HDAC9: variants seen among roughly 807,000 people sequenced by gnomAD.
The protein encoded by HDAC9 is histone deacetylase 9.
Under a neutral mutation model 139.4 loss-of-function variants are expected in HDAC9, and 41 were observed. The observed-to-expected ratio is 0.29, with a 90% confidence interval of 0.23 to 0.38. HDAC9 has a LOEUF of 0.38. HDAC9 is among the 10% of genes least tolerant of loss of function. The probability of loss-of-function intolerance (pLI) is 1.00; values close to 1 mark genes in which losing one functional copy is unlikely to be tolerated. For synonymous variants in HDAC9, 517 were observed against 476.2 expected (o/e 1.09, Z -1.12); for missense variants, 1,147 against 1,297.0 (o/e 0.88, Z 1.78).
chr7:18,548,961 C>T (rs1348417500), intron 2 of HDAC9, among the ~76,000 whole-genome samples: 1 of 152,148 alleles, frequency 6.6e-6, no homozygotes, highest in Non-Finnish European at 1.5e-5. Context: ...AAAAATAGGC[C>T]AGGTGTGGTG....
chr7:18,171,448 G>A (rs1055200296), intron 2 of HDAC9, among the ~76,000 whole-genome samples: 1 of 152,068 alleles, frequency 6.6e-6, no homozygotes, highest in Non-Finnish European at 1.5e-5. Context: ...TCTTTCTCTT[G>A]CCTGATTGCG....
chr7:18,742,702 G>C (rs1035405013), intron 13 of HDAC9, among the ~76,000 whole-genome samples: 1 of 151,778 alleles, frequency 6.6e-6, no homozygotes, highest in African/African-American at 2.4e-5. Flanking sequence ...TGTACATCTA[G>C]TAGTCCTTTC....
At chr7:18,162,626 A>G (rs1047421106) in intron 2 of HDAC9, 2 of 445,298 alleles carry the variant, frequency 4.5e-6, no homozygotes, top group African/African-American at 4.1e-5. Context: ...AACTTTATGA[A>G]GTTATGAATA....
intron 17 of HDAC9, among the ~76,000 whole-genome samples, chr7:18,808,997 G>A (rs1241955067): frequency 6.6e-6 from 1 of 152,006 alleles, no homozygotes; most frequent in Non-Finnish European, 1.5e-5. Flanking sequence ...TGAACATATA[G>A]ACCAATGGAA....
intron 1 of HDAC9, among the ~76,000 whole-genome samples, chr7:18,407,492 A>G (rs2128741249): frequency 6.6e-6 from 1 of 152,306 alleles, no homozygotes; most frequent in East Asian, 1.9e-4. Context: ...AGCCAATAGA[A>G]ACAGGAAATT....
intron 2 of HDAC9, among the ~76,000 whole-genome samples, chr7:18,281,670 A>G (rs957216166): frequency 1.3e-5 from 2 of 152,210 alleles, no homozygotes; most frequent in African/African-American, 4.8e-5. Context: ...CACCTTGTGC[A>G]GAAGTCTGTA....
intron 12 of HDAC9, among the ~76,000 whole-genome samples, chr7:18,693,158 T>A (rs1782792247): frequency 6.6e-6 from 1 of 152,052 alleles, no homozygotes; most frequent in Admixed American, 6.6e-5. Flanking sequence ...TTAGATATTA[T>A]TAAAGTCCTG....
chr7:18,953,841 G>A (rs1782968655), intron 23 of HDAC9, among the ~76,000 whole-genome samples: 1 of 152,010 alleles, frequency 6.6e-6, no homozygotes, highest in Non-Finnish European at 1.5e-5. Flanking sequence ...TGGTTTGTCA[G>A]GAACCTACAA....
chr7:18,155,111 AC>A (rs1584364185), intron 1 of HDAC9, among the ~76,000 whole-genome samples: 2 of 128,540 alleles, frequency 1.6e-5, no homozygotes, highest in East Asian at 4.9e-4. Context: ...TTTTTTAACA[AC>A]CTCTTTGCCA....
chr7:18,101,527 A>G (rs757821758), intron 1 of HDAC9, among the ~76,000 whole-genome samples: 15 of 152,194 alleles, frequency 9.9e-5, no homozygotes, highest in Non-Finnish European at 1.8e-4. Context: ...TTTCTCTTCC[A>G]TGTAAAACCT....
chr7:18,470,710 A>G (rs1794660255), intron 1 of HDAC9, among the ~76,000 whole-genome samples: 2 of 152,172 alleles, frequency 1.3e-5, no homozygotes, highest in Non-Finnish European at 2.9e-5. Context: ...CCAGTAATAC[A>G]TTATTTAGAA....
intron 2 of HDAC9, among the ~76,000 whole-genome samples, chr7:18,572,506 C>T (rs1187047569): frequency 6.6e-6 from 1 of 151,836 alleles, no homozygotes; most frequent in African/African-American, 2.4e-5. Flanking sequence ...GGAAAGGGGA[C>T]GGTTTGCACC....
intron 21 of HDAC9, among the ~76,000 whole-genome samples, chr7:18,868,126 A>T (rs988435482): frequency 7.9e-5 from 12 of 151,854 alleles, no homozygotes; most frequent in Non-Finnish European, 1.6e-4. Context: ...TTTTTCTTGC[A>T]TACAACATGG....
At chr7:18,422,908 A>T (rs914936222) in intron 1 of HDAC9, among the ~76,000 whole-genome samples, 5 of 151,966 alleles carry the variant, frequency 3.3e-5, no homozygotes, top group African/African-American at 1.2e-4. Flanking sequence ...GCATATGGAG[A>T]GGTTAGGTCT....
At chr7:18,280,587 CA>C (rs11310764) in intron 2 of HDAC9, among the ~76,000 whole-genome samples, 109,479 of 139,402 alleles carry the variant, frequency 0.79, 42,462 homozygotes, top group South Asian at 0.85. Context: ...GACTCTGTCT[CA>C]AAAAAAAAAA....
chr7:18,758,467 A>C (rs886225059), intron 14 of HDAC9, among the ~76,000 whole-genome samples: 2 of 152,194 alleles, frequency 1.3e-5, no homozygotes, highest in Middle Eastern at 3.2e-3. Flanking sequence ...AAAGTTGAAA[A>C]TATGAGAAGT....
intron 3 of HDAC9, among the ~76,000 whole-genome samples, chr7:18,589,705 G>C (rs1229985804): frequency 6.6e-6 from 1 of 152,142 alleles, no homozygotes; most frequent in Non-Finnish European, 1.5e-5. Flanking sequence ...GCTTTTATGT[G>C]CTGAATGAAA....
At chr7:18,154,184 A>G (rs998127084) in intron 1 of HDAC9, among the ~76,000 whole-genome samples, 3 of 151,996 alleles carry the variant, frequency 2.0e-5, no homozygotes, top group South Asian at 2.1e-4. Context: ...TTTTCTTTCT[A>G]TTAACATCCA....
At chr7:18,709,975 C>T (rs532894596) in intron 12 of HDAC9, among the ~76,000 whole-genome samples, 5 of 152,204 alleles carry the variant, frequency 3.3e-5, no homozygotes, top group African/African-American at 9.6e-5. Context: ...AAGACATACC[C>T]GAGACTGGGT....
Sources: gnomAD v4.1 joint callset for allele counts (sites outside exome capture counted in the v4.1 genomes callset) on GRCh38, gnomAD v4.1.1 for gene constraint, MANE v1.5 for transcripts, NCBI Gene and HGNC (gene_info 2026-07-23, HGNC 2026-07-21) for gene names.